Variants in LRP2 observed in about 807,000 individuals in gnomAD.
LRP2 encodes the protein LDL receptor related protein 2.
LRP2 carries 172 observed loss-of-function variants against 531.0 expected under a neutral mutation model. The observed-to-expected ratio is 0.32, with a 90% confidence interval of 0.29 to 0.37. The LOEUF (loss-of-function observed/expected upper bound fraction) is 0.37, where lower values mean the gene tolerates loss of function less well. Among genes scored for constraint, LRP2 ranks in the 10% least tolerant of loss-of-function variants. LRP2 has a pLI of 1.00. For synonymous variants in LRP2, 1,992 were observed against 2,027.6 expected (o/e 0.98, Z 0.47); for missense variants, 5,167 against 5,868.3 (o/e 0.88, Z 3.90).
intron 16 of LRP2, among the ~76,000 whole-genome samples, chr2:169,261,368 T>G (rs1010354101): frequency 1.3e-5 from 2 of 151,964 alleles, no homozygotes; most frequent in Non-Finnish European, 1.5e-5. Context: ...AGGTCTTACC[T>G]AGGCTGGAGT....
chr2:169,210,989 A>C (rs1194467145), intron 37 of LRP2, among the ~76,000 whole-genome samples: 1 of 152,216 alleles, frequency 6.6e-6, no homozygotes, highest in Non-Finnish European at 1.5e-5. Context: ...AAATCTTTCA[A>C]CGTTTCTGTG....
At chr2:169,270,082 C>G (rs942638009) in intron 16 of LRP2, among the ~76,000 whole-genome samples, 1 of 152,052 alleles carries the variant, frequency 6.6e-6, no homozygotes, top group African/African-American at 2.4e-5. Flanking sequence ...GTTAGAATGG[C>G]GATCATTAAA....
chr2:169,188,061 C>A lies in LRP2; in HGVS notation c.9237G>T (p.Glu3079Asp). ...TGCAGCGCCCATTGTCACACTTGAA[C>A]TCGTGAGGTGGACACGTGGGTTCTG... ...HTPEPTCPPH[E>D]FKCDNGRCIE... The change falls in exon 49 of 79, where the codon GAG (glutamate) becomes GAT (aspartate). Residue 3079 changes from glutamate to aspartate, a missense_variant. By Grantham distance (45) the Glu-to-Asp change is conservative. Coordinates refer to ENST00000649046, the MANE Select transcript of LRP2 (RefSeq NM_004525.3). 6.2e-7 allele frequency: 1 copy of A among 1,614,162 alleles called. No individual in the cohort carries two copies. Among genetic ancestry groups the A allele is most frequent in the Non-Finnish European group, 8.5e-7 (1 of 1,180,022 alleles).
chr2:169,205,502 A>G lies in LRP2; in HGVS notation c.7692T>C (p.Leu2564=), dbSNP rs1165272374. 10 of 1,614,130 alleles carry G rather than the reference A, an allele frequency of 6.2e-6. No homozygotes were observed. The highest frequency in any genetic ancestry group is 8.5e-6 in the Non-Finnish European group (10 of 1,180,008). Residue 2564 remains leucine, a synonymous_variant, in exon 41 of 79, where the codon CTT becomes CTC. Coordinates refer to ENST00000649046, the MANE Select transcript of LRP2 (RefSeq NM_004525.3). ...SGLTLDYEED[L]LYWVDASLQR... ...ACAGACTAGCATCCACCCAGTAGAG[A>G]AGGTCCTCTTCATAGTCCAGAGTCA...
chr2:169,262,561 A>G (rs377116913), intron 16 of LRP2, among the ~76,000 whole-genome samples: 6 of 149,140 alleles, frequency 4.0e-5, no homozygotes, highest in South Asian at 2.2e-4. Context: ...CCTCTTCAAG[A>G]AGAACTACAA....
chr2:169,341,264 G>A (rs185749326), intron 1 of LRP2, among the ~76,000 whole-genome samples: 34 of 152,166 alleles, frequency 2.2e-4, no homozygotes, highest in African/African-American at 4.6e-4. Flanking sequence ...TCACTGGCAC[G>A]TCTTCAAATT....
chr2:169,170,341 T>C (rs1488337459), intron 59 of LRP2, among the ~76,000 whole-genome samples: 2 of 152,248 alleles, frequency 1.3e-5, no homozygotes, highest in African/African-American at 4.8e-5. Flanking sequence ...AATTCCTTGC[T>C]ATTTTCCTCA....
intron 4 of LRP2, among the ~76,000 whole-genome samples, chr2:169,298,166 A>T (rs1331717683): frequency 6.6e-6 from 1 of 151,602 alleles, no homozygotes; most frequent in East Asian, 1.9e-4. Context: ...CACTTACTTC[A>T]AGCGCTACCC....
chr2:169,211,756 G>A (rs746133449), intron 37 of LRP2, among the ~76,000 whole-genome samples: 1 of 152,316 alleles, frequency 6.6e-6, no homozygotes, highest in Non-Finnish European at 1.5e-5. Flanking sequence ...ATCTGGGGAC[G>A]AGGTCTGGAG....
intron 35 of LRP2, among the ~76,000 whole-genome samples, 194 bp downstream of exon 35, chr2:169,216,059 C>G (rs1017956819): frequency 1.3e-5 from 2 of 151,904 alleles, no homozygotes; most frequent in African/African-American, 2.4e-5. Flanking sequence ...TATGCACATA[C>G]TATAAAGAAC....
Position 169,292,388 on chromosome 2 carries a change from T to C in LRP2, c.653-19A>G. ...GGATAGTCTGGAATAAAGCAACAGC[T>C]GCACTCCAAAGACACAAATCACCGG... On this transcript the variant is annotated intron_variant, in intron 6 of 78. Coordinates refer to ENST00000649046, the MANE Select transcript of LRP2 (RefSeq NM_004525.3). 1 of 1,480,382 alleles carries C rather than the reference T, an allele frequency of 6.8e-7. No homozygotes were observed. Among genetic ancestry groups the C allele is most frequent in the Non-Finnish European group, 9.5e-7 (1 of 1,057,888 alleles). 91.7% of individuals were successfully genotyped at this position (1,480,382 alleles called of 1,614,324 possible).
chr2:169,339,793 A>G (rs2105555733), intron 1 of LRP2, among the ~76,000 whole-genome samples: 1 of 152,364 alleles, frequency 6.6e-6, no homozygotes, highest in Admixed American at 6.5e-5. Context: ...AACGCCAAGC[A>G]TGGGGGAAAC....
intron 16 of LRP2, among the ~76,000 whole-genome samples, chr2:169,261,588 T>C (rs927117542): frequency 2.0e-5 from 3 of 150,856 alleles, no homozygotes; most frequent in Non-Finnish European, 2.9e-5. Flanking sequence ...CCACTGACTA[T>C]GAGGAATATT....
rs16856476 is a variant in LRP2 at position 169,140,499 on chromosome 2, G to A, written c.13155C>T (p.His4385=). 7.2e-3 allele frequency: 11,553 copies of A among 1,613,952 alleles called. 738 individuals carry two copies. In the African/African-American group the frequency reaches 0.13, roughly 19 times the overall value. Residue 4385 remains histidine, a synonymous_variant, in exon 72 of 79, where the codon CAC becomes CAT. Coordinates refer to ENST00000649046, the MANE Select transcript of LRP2 (RefSeq NM_004525.3). ...TCTCATCAAAATAGCAATTTCCTCCGTGCATGCACCTGCATGGGGGGGGCA... is the reference window on the plus strand; with the variant it reads ...TCTCATCAAAATAGCAATTTCCTCCATGCATGCACCTGCATGGGGGGGGCA... ...INLPPPCRCM[H]GGNCYFDETD...
At chr2:169,332,642 C>A (rs1463845549) in intron 1 of LRP2, among the ~76,000 whole-genome samples, 1 of 152,174 alleles carries the variant, frequency 6.6e-6, no homozygotes, top group Non-Finnish European at 1.5e-5. Context: ...TTATAAGTCA[C>A]AAGTTACATG....
chr2:169,243,349 A>T (rs930897058), intron 23 of LRP2, 54 bp downstream of exon 23: 1 of 1,606,980 alleles, frequency 6.2e-7, no homozygotes, highest in African/African-American at 1.3e-5. Flanking sequence ...ATGTGTTAAC[A>T]CTGAGATTTT....
At chr2:169,236,179 C>T (rs1020318889) in intron 28 of LRP2, 111 bp from the exon 29 acceptor site, 6 of 833,556 alleles carry the variant, frequency 7.2e-6, no homozygotes, top group Non-Finnish European at 1.2e-5. Flanking sequence ...AATAAATCAT[C>T]TCTGGTTCAG....
intron 1 of LRP2, among the ~76,000 whole-genome samples, chr2:169,323,979 G>A (rs1684975449): frequency 6.6e-6 from 1 of 151,978 alleles, no homozygotes; most frequent in South Asian, 2.1e-4. Context: ...GGAACCAAAT[G>A]AACACCCTAT....
rs750795367 is a variant in LRP2, at chr2:169,271,034, T to C, written c.2190A>G (p.Glu730=). 7 of 1,613,236 alleles carry C rather than the reference T, an allele frequency of 4.3e-6. No individual in the cohort carries two copies. In the South Asian group the frequency reaches 4.4e-5, roughly 10 times the overall value. Reference sequence around the variant, plus strand: ...TCCCCGAAACTGGAACCATGACATCTTCCTGGGTAGACAAGGTGAACGGGA... The same window carrying C: ...TCCCCGAAACTGGAACCATGACATCCTCCTGGGTAGACAAGGTGAACGGGA... The part of the protein sequence containing the change: ...RGIPFTLSTQ[E]DVMVPVSGNP... Residue 730 remains glutamate (E), a synonymous_variant, in exon 16 of 79, where the codon GAA becomes GAG. Coordinates refer to ENST00000649046, the MANE Select transcript of LRP2 (RefSeq NM_004525.3).
Sources: allele counts gnomAD v4.1 joint callset (sites outside exome capture counted in the v4.1 genomes callset), GRCh38; gene constraint gnomAD v4.1.1; transcripts MANE v1.5; gene names NCBI Gene and HGNC (gene_info 2026-07-23, HGNC 2026-07-21).